The following MRPL37 variants were observed in gnomAD, a reference collection of about 807,000 sequenced individuals.
MRPL37 encodes the protein large ribosomal subunit protein mL37.
Under a neutral mutation model 44.1 loss-of-function variants are expected in MRPL37, and 34 were observed. That is an observed-to-expected ratio of 0.77 (90% CI 0.59 to 1.03). MRPL37 has a LOEUF of 1.03. MRPL37 is among the 50% of genes least tolerant of loss of function. The probability of loss-of-function intolerance (pLI) is 0.00; values close to 1 mark genes in which losing one functional copy is unlikely to be tolerated. For missense variants in MRPL37, 532 were observed against 543.7 expected (o/e 0.98, Z 0.21); for synonymous variants, 212 against 219.5 (o/e 0.97, Z 0.30).
chr1:54,219,805 T>G (rs907448566), downstream of MRPL37, among the ~76,000 whole-genome samples: 1 of 152,092 alleles, frequency 6.6e-6, no homozygotes, highest in African/African-American at 2.4e-5. Context: ...GACTGAAGAG[T>G]CATCCTATTT....
chr1:54,216,359 C>CTCCTT lies in MRPL37; in HGVS notation c.1194+19_1194+20insTTCCT, dbSNP rs747950699. ...GAGTGGTTGTGGTAAGTTGAGCCATCTCCTGCCTGACCCAGGAGGGCCATG... is the reference window on the plus strand; with the variant it reads ...GAGTGGTTGTGGTAAGTTGAGCCATCTCCTTTCCTGCCTGACCCAGGAGGGCCATG... On this transcript the variant is annotated intron_variant, in intron 6 of 6. Transcript: ENST00000360840. 1.2e-5 allele frequency: 19 copies of CTCCTT among 1,612,764 alleles called. No homozygotes were observed. In the East Asian group the frequency reaches 3.8e-4, roughly 32 times the overall value.
At chr1:54,217,872 G>T (rs1026939106) in intron 6 of MRPL37, among the ~76,000 whole-genome samples, 3 of 152,140 alleles carry the variant, frequency 2.0e-5, no homozygotes, top group Admixed American at 1.3e-4. Flanking sequence ...GGTGAGGGAT[G>T]ATTGTCCCTG....
chr1:54,220,646 C>A (rs1264275566), downstream of MRPL37: 3 of 471,872 alleles, frequency 6.4e-6, no homozygotes, highest in South Asian at 4.6e-5. Flanking sequence ...AAATGTCTAC[C>A]AGCTTCGTCC....
chr1:54,212,380 C>A, intron 4 of MRPL37, 121 bp from the exon 5 acceptor site: 1 of 1,208,556 alleles, frequency 8.3e-7, no homozygotes, highest in Non-Finnish European at 1.2e-6. Flanking sequence ...GTGATAGTAT[C>A]CACCTTTGTT....
intron 6 of MRPL37, among the ~76,000 whole-genome samples, chr1:54,216,899 G>A (rs940634062): frequency 3.0e-5 from 4 of 133,338 alleles, no homozygotes; most frequent in Non-Finnish European, 4.7e-5. Context: ...CAAGCTCCTA[G>A]ATCCTTGAGG....
chr1:54,224,899 T>C (rs534521124), downstream of MRPL37, among the ~76,000 whole-genome samples: 2 of 148,278 alleles, frequency 1.3e-5, no homozygotes, highest in African/African-American at 2.5e-5. Context: ...TGCACTACTC[T>C]CAAAACCCTT....
downstream of MRPL37, chr1:54,218,478 C>T (rs761999070): frequency 9.4e-7 from 1 of 1,067,358 alleles, no homozygotes; most frequent in Non-Finnish European, 1.3e-6. Context: ...CAGCTCTGCC[C>T]TTGACCCATG....
downstream of MRPL37, among the ~76,000 whole-genome samples, chr1:54,219,575 C>G (rs34814100): frequency 8.7e-4 from 132 of 152,270 alleles, no homozygotes; most frequent in Middle Eastern, 3.4e-3. Flanking sequence ...TGACCTGGGG[C>G]TCCGGGTACT....
intron 6 of MRPL37, among the ~76,000 whole-genome samples, chr1:54,216,700 G>A (rs969795740): frequency 3.3e-5 from 5 of 152,086 alleles, no homozygotes; most frequent in Non-Finnish European, 7.4e-5. Flanking sequence ...TCCTCCACTT[G>A]TCCTTCCAGG....
At chr1:54,220,985 T>TG (rs1363374390), downstream of MRPL37, 2 of 370,714 alleles carry the variant, frequency 5.4e-6, no homozygotes, top group Non-Finnish European at 1.1e-5. Flanking sequence ...TAATTTGGCC[T>TG]GGGGGAAAGC....
Position 54,212,535 on chromosome 1 carries a change from T to C in MRPL37, c.867T>C (p.His289=), listed in dbSNP as rs747743262. ...AAGGCTATCCTTACCCCTATCCCCA[T>C]ACCCTGTACTTACTGGACAAAGCCA... The part of the protein sequence containing the change: ...FQEGYPYPYP[H]TLYLLDKANL... Residue 289 remains histidine (H), a synonymous_variant, in exon 5 of 7, where the codon CAT becomes CAC. Transcript: ENST00000360840. The C allele has an allele frequency of 1.9e-6, 3 of 1,614,178 alleles. No individual in the cohort carries two copies. In the East Asian group the frequency reaches 6.7e-5, roughly 36 times the overall value.
rs35840617 is a variant in MRPL37 at position 54,208,945 on chromosome 1, C to T, written c.647-1001C>T. Among the ~76,000 whole-genome samples the T allele has an allele frequency of 4.9e-3, 752 of 152,202 alleles. 1 individual carries two copies. The highest frequency in any genetic ancestry group is 0.017 in the African/African-American group (722 of 41,514). ...CACAGTACACAGGACATTCCCTCCC[C>T]CCACTCCGCCAAAGAGTTATCTGAT... On this transcript the variant is annotated intron_variant, in intron 3 of 6. Coordinates refer to ENST00000360840, the MANE Select transcript of MRPL37 (RefSeq NM_016491.4).
chr1:54,222,889 A>C (rs1200675763), downstream of MRPL37, among the ~76,000 whole-genome samples: 1 of 152,166 alleles, frequency 6.6e-6, no homozygotes, highest in African/African-American at 2.4e-5. Flanking sequence ...GTGTCTGTTC[A>C]CTACTGTACC....
chr1:54,218,346 C>T lies in MRPL37; in HGVS notation c.*97C>T. ...GCCTCAGTGCCCGTTTGGCCTGCTG[C>T]TCTCGCTGACAATAAAGAGCCCTTG... On this transcript the variant is annotated 3_prime_UTR_variant, in exon 7 of 7. Coordinates refer to ENST00000360840, the MANE Select transcript of MRPL37 (RefSeq NM_016491.4). The T allele has an allele frequency of 1.3e-6, 2 of 1,593,400 alleles. No individual in the cohort carries two copies. Among genetic ancestry groups the T allele is most frequent in the South Asian group, 2.3e-5 (2 of 88,300 alleles).
chr1:54,224,860 A>G (rs1287093377), downstream of MRPL37, among the ~76,000 whole-genome samples: 1 of 152,120 alleles, frequency 6.6e-6, no homozygotes, highest in Non-Finnish European at 1.5e-5. Flanking sequence ...GGAGACCACC[A>G]GCATACACTT....
intron 5 of MRPL37, among the ~76,000 whole-genome samples, chr1:54,213,497 G>T (rs1055775956): frequency 2.6e-5 from 4 of 152,168 alleles, no homozygotes; most frequent in Non-Finnish European, 5.9e-5. Flanking sequence ...GATAGGGAGT[G>T]GAATGGGCCT....
chr1:54,218,367 C>G lies in MRPL37; in HGVS notation c.*118C>G, dbSNP rs1644212124. The G allele has an allele frequency of 1.9e-6, 3 of 1,567,932 alleles. No homozygotes were observed. The highest frequency in any genetic ancestry group is 8.6e-7 in the Non-Finnish European group (1 of 1,162,788). On this transcript the variant is annotated 3_prime_UTR_variant, in exon 7 of 7. Transcript: ENST00000360840. ...GCTGCTCTCGCTGACAATAAAGAGC[C>G]CTTGCGTTGCACTGAAGCCTGTGTT... is the stretch of plus-strand genomic sequence containing the variant.
chr1:54,215,905 C>T (rs564991615), intron 5 of MRPL37, among the ~76,000 whole-genome samples: 31 of 152,282 alleles, frequency 2.0e-4, no homozygotes, highest in Non-Finnish European at 1.5e-4. Flanking sequence ...CTTTGATGTG[C>T]TCAAATAGAA....
rs1029184171 is a variant in MRPL37, at chr1:54,216,344, G to T, written c.1194G>T (p.Val398=). ...CAGTGATCAAAAAGAGAGTGGTTGTGGTAAGTTGAGCCATCTCCTGCCTGA... is the reference window on the plus strand; with the variant it reads ...CAGTGATCAAAAAGAGAGTGGTTGTTGTAAGTTGAGCCATCTCCTGCCTGA... ...CLPVIKKRVV[V]EPVGPVGFKP... Residue 398 remains valine, a splice_region_variant and synonymous_variant, in exon 6 of 7, where the codon GTG becomes GTT. Coordinates refer to ENST00000360840, the MANE Select transcript of MRPL37 (RefSeq NM_016491.4). The T allele has an allele frequency of 6.2e-7, 1 of 1,613,528 alleles. No homozygotes were observed. Among genetic ancestry groups the T allele is most frequent in the Non-Finnish European group, 8.5e-7 (1 of 1,179,982 alleles).
Sources: allele counts gnomAD v4.1 joint callset (sites outside exome capture counted in the v4.1 genomes callset), GRCh38; gene constraint gnomAD v4.1.1; transcripts MANE v1.5; gene names NCBI Gene and HGNC (gene_info 2026-07-23, HGNC 2026-07-21).